OTUD7A: variants seen among roughly 807,000 people sequenced by gnomAD.
OTUD7A encodes the protein OTU domain-containing protein 7A.
OTUD7A carries 12 observed loss-of-function variants against 65.7 expected under a neutral mutation model. That is an observed-to-expected ratio of 0.18 (90% confidence interval 0.12 to 0.30). OTUD7A has a LOEUF of 0.30. Among genes scored for constraint, OTUD7A ranks in the 10% least tolerant of loss-of-function variants. The probability of loss-of-function intolerance (pLI) is 1.00; values close to 1 mark genes in which losing one functional copy is unlikely to be tolerated. For missense variants in OTUD7A, 1,148 were observed against 1,304.8 expected, an observed-to-expected ratio of 0.88 and a Z score of 1.85; for synonymous variants, 641 against 586.3, an observed-to-expected ratio of 1.09 and a Z score of -1.35.
chr15:31,771,202 A>C (rs1053872938), intron 1 of OTUD7A, among the ~76,000 whole-genome samples: 1 of 152,226 alleles, frequency 6.6e-6, no homozygotes, highest in African/African-American at 2.4e-5. Flanking sequence ...AAGGTCATAG[A>C]AGGGTAGATA....
intron 1 of OTUD7A, among the ~76,000 whole-genome samples, chr15:31,659,542 C>T (rs1892098047): frequency 6.6e-6 from 1 of 152,188 alleles, no homozygotes; most frequent in African/African-American, 2.4e-5. Context: ...TAAAAATTAG[C>T]GCAAAAATAT....
chr15:31,693,225 T>C (rs1566977101), intron 1 of OTUD7A, among the ~76,000 whole-genome samples: 1 of 152,256 alleles, frequency 6.6e-6, no homozygotes, highest in Non-Finnish European at 1.5e-5. Flanking sequence ...TAACAACTTC[T>C]GGAAATAAAG....
intron 1 of OTUD7A, among the ~76,000 whole-genome samples, chr15:31,728,745 C>T (rs1893962265): frequency 6.6e-6 from 1 of 152,218 alleles, no homozygotes; most frequent in Non-Finnish European, 1.5e-5. Flanking sequence ...TCTCACGAAC[C>T]CACTTTTTTC....
At chr15:31,623,614 A>C (rs1025446299) in intron 3 of OTUD7A, among the ~76,000 whole-genome samples, 1 of 152,228 alleles carries the variant, frequency 6.6e-6, no homozygotes, top group Non-Finnish European at 1.5e-5. Flanking sequence ...ACCATTGGAA[A>C]AGCGCAGTAT....
chr15:31,628,227 T>A (rs1260754592), intron 3 of OTUD7A, among the ~76,000 whole-genome samples: 1 of 152,194 alleles, frequency 6.6e-6, no homozygotes, highest in Non-Finnish European at 1.5e-5. Context: ...TGGTTTTAGG[T>A]CTAATGTTTA....
At chr15:31,789,601 G>C (rs2140935670) in intron 1 of OTUD7A, among the ~76,000 whole-genome samples, 1 of 152,062 alleles carries the variant, frequency 6.6e-6, no homozygotes, top group East Asian at 1.9e-4. Flanking sequence ...GCTTAATTCT[G>C]ATCTCAGCAG....
intron 5 of OTUD7A, among the ~76,000 whole-genome samples, chr15:31,548,059 T>C (rs898223698): frequency 3.0e-5 from 4 of 133,150 alleles, no homozygotes; most frequent in African/African-American, 4.9e-5. Flanking sequence ...ACTGTTCTTC[T>C]GTACGTACCA....
At chr15:31,536,152 C>T (rs1182313833) in intron 5 of OTUD7A, among the ~76,000 whole-genome samples, 1 of 152,208 alleles carries the variant, frequency 6.6e-6, no homozygotes, top group African/African-American at 2.4e-5. Context: ...AATCTCCAGG[C>T]TGATGGCTAC....
At chr15:31,547,400 T>A (rs1888165870) in intron 5 of OTUD7A, among the ~76,000 whole-genome samples, 1 of 152,222 alleles carries the variant, frequency 6.6e-6, no homozygotes, top group Non-Finnish European at 1.5e-5. Flanking sequence ...TGGCTTCTCA[T>A]GGATCTGATA....
intron 1 of OTUD7A, among the ~76,000 whole-genome samples, chr15:31,832,420 C>CA (rs574447142): frequency 1.7e-3 from 256 of 152,112 alleles, no homozygotes; most frequent in Non-Finnish European, 3.0e-3. Context: ...CAGACAGACA[C>CA]AAATCATTGA....
At chr15:31,865,673 G>A (rs1897859086) in intron 1 of OTUD7A, among the ~76,000 whole-genome samples, 1 of 152,226 alleles carries the variant, frequency 6.6e-6, no homozygotes, top group South Asian at 2.1e-4. Flanking sequence ...ACCACAGACA[G>A]ACGTCTGCTC....
intron 3 of OTUD7A, among the ~76,000 whole-genome samples, chr15:31,631,643 T>G (rs555603325): frequency 6.6e-6 from 1 of 152,248 alleles, no homozygotes; most frequent in Non-Finnish European, 1.5e-5. Flanking sequence ...CCTGCCTTGC[T>G]AGATTGGGGA....
At chr15:31,832,102 A>G (rs557817518) in intron 1 of OTUD7A, among the ~76,000 whole-genome samples, 1 of 152,346 alleles carries the variant, frequency 6.6e-6, no homozygotes, top group South Asian at 2.1e-4. Context: ...CTCAAAAGAA[A>G]AAGAAAAAGT....
At chr15:31,678,270 TA>T (rs1422827199) in intron 1 of OTUD7A, among the ~76,000 whole-genome samples, 4 of 152,164 alleles carry the variant, frequency 2.6e-5, no homozygotes, top group Non-Finnish European at 5.9e-5. Flanking sequence ...AAGCAGAGCA[TA>T]AAAGTTCAGA....
chr15:31,544,866 T>C (rs533101616), intron 5 of OTUD7A, among the ~76,000 whole-genome samples: 1 of 151,782 alleles, frequency 6.6e-6, no homozygotes, highest in African/African-American at 2.4e-5. Flanking sequence ...CAAGTGCACA[T>C]AGAATATTTA....
chr15:31,680,389 G>C (rs1270932944), intron 1 of OTUD7A, among the ~76,000 whole-genome samples: 3 of 152,180 alleles, frequency 2.0e-5, no homozygotes, highest in African/African-American at 7.2e-5. Flanking sequence ...AAAAAAGTTT[G>C]TCCATAGGAG....
At position 31,481,925 on chromosome 15, in the gene OTUD7A, G is replaced by A. The variant is rs2041126511; in HGVS notation, c.*1369C>T. 1.3e-5 allele frequency: 2 copies of A among 152,092 alleles called. 1 individual carries two copies. The highest frequency in any genetic ancestry group is 4.8e-5 in the African/African-American group (2 of 41,392). The allele number at this position is 152,092 out of a possible 1,614,324, so 9.4% of individuals were successfully genotyped here. ...AGAAGCTATTCTAAGGCTCTCACAG[G>A]TTTTATAGTATTCTTTGTTAGTGAG... On this transcript the variant is annotated 3_prime_UTR_variant, in exon 13 of 13. Coordinates refer to ENST00000307050, the MANE Select transcript of OTUD7A (RefSeq NM_001382637.1).
intron 1 of OTUD7A, among the ~76,000 whole-genome samples, chr15:31,818,663 T>G (rs888035265): frequency 2.6e-5 from 4 of 152,186 alleles, no homozygotes; most frequent in Admixed American, 1.3e-4. Context: ...TCTTTGGACC[T>G]GCAGTGTGAC....
chr15:31,776,940 TATAATA>T (rs1259188475), intron 1 of OTUD7A, among the ~76,000 whole-genome samples: 1 of 151,416 alleles, frequency 6.6e-6, no homozygotes, highest in Non-Finnish European at 1.5e-5. Context: ...AAACTTAAAG[TATAATA>T]ATAATAAAAA....
Sources: allele counts gnomAD v4.1 joint callset (sites outside exome capture counted in the v4.1 genomes callset), GRCh38; gene constraint gnomAD v4.1.1; transcripts MANE v1.5; gene names NCBI Gene and HGNC (gene_info 2026-07-23, HGNC 2026-07-21).